Variants in VAX2 observed in about 807,000 individuals in gnomAD.
VAX2 encodes the protein ventral anterior homeobox 2.
In VAX2, 8 loss-of-function variants were observed where a neutral mutation model predicts 12.5. The ratio of observed to expected loss-of-function variants is 0.64; its 90% CI spans 0.37 to 1.15. VAX2 has a LOEUF of 1.15. Among genes scored for constraint, VAX2 ranks in the 50% most tolerant of loss-of-function variants. VAX2 has a pLI of 0.01. For missense variants in VAX2, 476 were observed against 412.9 expected, an observed-to-expected ratio of 1.15 and a Z score of -1.32; for synonymous variants, 183 against 187.6, an observed-to-expected ratio of 0.98 and a Z score of 0.20.
chr2:70,919,186 A>ATGGT (rs1679389840), intron 1 of VAX2, among the ~76,000 whole-genome samples: 1 of 144,720 alleles, frequency 6.9e-6, no homozygotes, highest in South Asian at 2.5e-4. Flanking sequence ...GTGAGCCGAG[A>ATGGT]TGGTGCCACT....
intron 1 of VAX2, among the ~76,000 whole-genome samples, chr2:70,914,691 C>T (rs1364166371): frequency 6.6e-6 from 1 of 152,080 alleles, no homozygotes; most frequent in Non-Finnish European, 1.5e-5. Context: ...ATATTGATTA[C>T]TATAAAGCTA....
intron 2 of VAX2, among the ~76,000 whole-genome samples, chr2:70,926,770 A>G (rs575119501): frequency 1.3e-5 from 2 of 152,306 alleles, no homozygotes; most frequent in Admixed American, 1.3e-4. Flanking sequence ...TGCTTAAAAG[A>G]CTTCATCAAC....
intron 2 of VAX2, among the ~76,000 whole-genome samples, chr2:70,922,535 G>A (rs1251720255): frequency 6.6e-5 from 10 of 152,132 alleles, no homozygotes; most frequent in Non-Finnish European, 1.0e-4. Context: ...AGTCAGATGC[G>A]CCTGGAAGTC....
chr2:70,904,829 G>A lies in VAX2; in HGVS notation c.247+3961G>A, dbSNP rs1445241630. Among the ~76,000 whole-genome samples the A allele has an allele frequency of 1.3e-5, 2 of 152,264 alleles. No individual in the cohort carries two copies. Among genetic ancestry groups the A allele is most frequent in the Non-Finnish European group, 1.5e-5 (1 of 68,052 alleles). On this transcript the variant is annotated intron_variant, in intron 1 of 2. Coordinates refer to ENST00000234392, the MANE Select transcript of VAX2 (RefSeq NM_012476.3). This position sits in a 1 kb window ranked among gnomAD's most constrained non-coding sequence, Gnocchi z 4.2. ...CGTGGGACGGGTGGGATTGACCTTA[G>A]TGGAGTCCAGTCCTTCGGAGAATCC...
At chr2:70,913,064 G>A (rs916397158) in intron 1 of VAX2, among the ~76,000 whole-genome samples, 1 of 152,194 alleles carries the variant, frequency 6.6e-6, no homozygotes, top group Non-Finnish European at 1.5e-5. Context: ...GACTATTTTA[G>A]TAAGATAGGC....
chr2:70,926,771 C>T (rs1679583647), intron 2 of VAX2, among the ~76,000 whole-genome samples: 1 of 152,178 alleles, frequency 6.6e-6, no homozygotes, highest in Admixed American at 6.5e-5. Flanking sequence ...GCTTAAAAGA[C>T]TTCATCAACT....
rs192989537 is a variant in VAX2 at position 70,928,792 on chromosome 2, A to G, written c.436-3975A>G. 4.5e-4 allele frequency among the ~76,000 whole-genome samples: 69 copies of G among 152,342 alleles called. No individual in the cohort carries two copies. In the East Asian group the frequency reaches 0.012, roughly 26 times the overall value. ...TGTCTCCTCTCCCTCTAGTTCAGAAACAGAGCTAGAAACAGAGAAAGCCAG... is the reference window on the plus strand; with the variant it reads ...TGTCTCCTCTCCCTCTAGTTCAGAAGCAGAGCTAGAAACAGAGAAAGCCAG... On this transcript the variant is annotated intron_variant, in intron 2 of 2. Coordinates refer to ENST00000234392, the MANE Select transcript of VAX2 (RefSeq NM_012476.3).
At position 70,921,915 on chromosome 2, in the gene VAX2, G is replaced by A. The variant is rs1205023658; in HGVS notation, c.435+630G>A. Among the ~76,000 whole-genome samples, 6 of 152,266 alleles carry A rather than the reference G, an allele frequency of 3.9e-5. No homozygotes were observed. In the East Asian group the frequency reaches 7.7e-4, roughly 20 times the overall value. ...GGAGACCCTTCAAGCTGGTACTAGA[G>A]CTATAAAATACTACCACTACTACTA... On this transcript the variant is annotated intron_variant, in intron 2 of 2. Transcript: ENST00000234392.
chr2:70,927,065 C>G (rs1679590103), intron 2 of VAX2, among the ~76,000 whole-genome samples: 1 of 152,186 alleles, frequency 6.6e-6, no homozygotes, highest in Non-Finnish European at 1.5e-5. Flanking sequence ...ACTGCTTGCC[C>G]ATGACCCACC....
chr2:70,919,920 T>C (rs1679413330), intron 1 of VAX2, among the ~76,000 whole-genome samples: 1 of 152,190 alleles, frequency 6.6e-6, no homozygotes, highest in African/African-American at 2.4e-5. Context: ...CCAGAGCAAG[T>C]ACTGCAGACG....
rs782265939 is a variant in VAX2, at chr2:70,933,061, C to T, written c.730C>T (p.Pro244Ser). 2.5e-6 allele frequency: 4 copies of T among 1,607,884 alleles called. No homozygotes were observed. The highest frequency in any genetic ancestry group is 3.4e-6 in the Non-Finnish European group (4 of 1,177,412). ...CTCAGCGTCCCCCCCACTGCCGCCCCCTCTGCCAGCTGTCTGCTTTTCCTC... is the reference window on the plus strand; with the variant it reads ...CTCAGCGTCCCCCCCACTGCCGCCCTCTCTGCCAGCTGTCTGCTTTTCCTC... ...SASASPPLPP[P>S]LPAVCFSSAP... Residue 244 changes from proline to serine, a missense_variant, in exon 3 of 3, where the codon CCT becomes TCT. Physicochemically the swap from Pro to Ser is moderately conservative, Grantham distance 74 (BLOSUM62 -1). Transcript: ENST00000234392.
At chr2:70,903,831 G>A (rs1365169943) in intron 1 of VAX2, among the ~76,000 whole-genome samples, 1 of 152,184 alleles carries the variant, frequency 6.6e-6, no homozygotes, top group Non-Finnish European at 1.5e-5. Context: ...TGTACTGGAG[G>A]TGAGCACCTA....
At position 70,904,967 on chromosome 2, in the gene VAX2, A is replaced by G. The variant is rs1181209081; in HGVS notation, c.247+4099A>G. 9.2e-5 allele frequency among the ~76,000 whole-genome samples: 14 copies of G among 152,186 alleles called. No homozygotes were observed. Among genetic ancestry groups the G allele is most frequent in the African/African-American group, 3.4e-4 (14 of 41,454 alleles). ...TCCCAGAGACGCGTCTGAAGAAGCC[A>G]TACAAGGGGGCGCAGCTTCGGGGCT... On this transcript the variant is annotated intron_variant, in intron 1 of 2. Coordinates refer to ENST00000234392, the MANE Select transcript of VAX2 (RefSeq NM_012476.3). This position sits in a 1 kb window ranked among gnomAD's most constrained non-coding sequence, Gnocchi z 4.2.
chr2:70,921,930 C>T (rs1270848312), intron 2 of VAX2, among the ~76,000 whole-genome samples: 3 of 151,968 alleles, frequency 2.0e-5, no homozygotes, highest in Non-Finnish European at 4.4e-5. Flanking sequence ...AAAATACTAC[C>T]ACTACTACTA....
At chr2:70,909,508 T>A (rs1679136992) in intron 1 of VAX2, among the ~76,000 whole-genome samples, 1 of 152,222 alleles carries the variant, frequency 6.6e-6, no homozygotes, top group South Asian at 2.1e-4. Flanking sequence ...TATTTTGCTA[T>A]GTCATGTAAA....
intron 1 of VAX2, among the ~76,000 whole-genome samples, chr2:70,906,083 C>T (rs782812422): frequency 6.6e-6 from 1 of 152,210 alleles, no homozygotes; most frequent in Admixed American, 6.5e-5. Context: ...GAGCCAGTAG[C>T]CGGTTACCTG....
intron 2 of VAX2, among the ~76,000 whole-genome samples, chr2:70,927,824 A>G (rs1042847073): frequency 6.6e-6 from 1 of 152,052 alleles, no homozygotes; most frequent in African/African-American, 2.4e-5. Context: ...GGGGCGGGGC[A>G]GCCACCAAGC....
At position 70,928,323 on chromosome 2, in the gene VAX2, C is replaced by G. The variant is rs112893218; in HGVS notation, c.436-4444C>G. On this transcript the variant is annotated intron_variant, in intron 2 of 2. Coordinates refer to ENST00000234392, the MANE Select transcript of VAX2 (RefSeq NM_012476.3). ...TCACCCACAGAGCTTTAGAAGAATA[C>G]CCAGGCCTCAGCCCCATTCCCTAGA... Among the ~76,000 whole-genome samples, 94 of 152,328 alleles carry G rather than the reference C, an allele frequency of 6.2e-4. 1 individual carries two copies. The highest frequency in any genetic ancestry group is 1.6e-3 in the African/African-American group (67 of 41,570).
intron 2 of VAX2, among the ~76,000 whole-genome samples, chr2:70,929,686 C>CAAAAAAAA (rs59020150): frequency 2.5e-4 from 35 of 142,814 alleles, no homozygotes; most frequent in African/African-American, 7.9e-4. Context: ...GACTCCATCT[C>CAAAAAAAA]AAAAAAAAAA....
Sources: allele counts gnomAD v4.1 joint callset (sites outside exome capture counted in the v4.1 genomes callset), GRCh38; gene constraint gnomAD v4.1.1; non-coding constraint Gnocchi (gnomAD v3.1); transcripts MANE v1.5; gene names NCBI Gene and HGNC (gene_info 2026-07-23, HGNC 2026-07-21).